The following COL4A4 variants were observed in gnomAD, a reference collection of about 807,000 sequenced individuals.
The protein encoded by COL4A4 is collagen type IV alpha 4 chain, also known as collagen alpha-4(IV) chain.
COL4A4 carries 105 observed loss-of-function variants against 192.9 expected under a neutral mutation model. That is an observed-to-expected ratio of 0.54 (90% CI 0.46 to 0.64). The LOEUF (loss-of-function observed/expected upper bound fraction) is 0.64, where lower values mean the gene tolerates loss of function less well. Ranked by LOEUF, COL4A4 falls within the 30% of genes least tolerant of loss-of-function variation. The pLI is 0.00. For missense variants in COL4A4, 1,967 were observed against 2,169.3 expected, an observed-to-expected ratio of 0.91 and a Z score of 1.85; for synonymous variants, 762 against 769.9, an observed-to-expected ratio of 0.99 and a Z score of 0.17.
chr2:226,990,408 T>G, the COL4A4 span, among the ~76,000 whole-genome samples: 1 of 152,156 alleles, frequency 6.6e-6, no homozygotes, highest in Non-Finnish European at 1.5e-5. Flanking sequence ...AGAAAAAAAG[T>G]GATTGCCTCT....
rs1241232172 is a variant in COL4A4 at position 227,004,558 on chromosome 2, A to C, written c.*2767T>G. On this transcript the variant is annotated 3_prime_UTR_variant, in exon 48 of 48. Transcript: ENST00000396625. ...TAGATGGCAACTGGGATTTGAAACT[A>C]AGGCACCAACTGGGAGATGCCTACT... 1 of 152,274 alleles carries C rather than the reference A, an allele frequency of 6.6e-6. No homozygotes were observed. Among genetic ancestry groups the C allele is most frequent in the Non-Finnish European group, 1.5e-5 (1 of 68,076 alleles). 9.4% of individuals were successfully genotyped at this position (152,274 alleles called of 1,614,324 possible).
chr2:227,102,859 T>G lies in COL4A4; in HGVS notation c.871-11A>C, dbSNP rs1487938595. 13 of 1,610,400 alleles carry G rather than the reference T, an allele frequency of 8.1e-6. No individual in the cohort carries two copies. The highest frequency in any genetic ancestry group is 4.4e-5 in the South Asian group (4 of 90,994). On this transcript the variant is annotated splice_polypyrimidine_tract_variant and intron_variant, in intron 14 of 47. Transcript: ENST00000396625. ...AATACCAGATTCTCCCTTTAAGAGA[T>G]GACAACATTTAGAGGGGTTCAAGCA...
In COL4A4 at chr2:227,099,657, T is replaced by C; in HGVS notation, c.1062A>G (p.Pro354=). ...GAGGTGGAGTCACCAAAACACCTGG[T>C]GGTCCTGGGTGCCCTCGATTTCCAG... ...GDPGNRGHPG[P]PGVLVTPPLP... is the part of the protein sequence containing the mutation. The change falls in exon 18 of 48, where the codon CCA becomes CCG. Residue 354 remains proline, a synonymous_variant. Transcript: ENST00000396625. The C allele has an allele frequency of 6.2e-7, 1 of 1,614,186 alleles. No individual in the cohort carries two copies. Among genetic ancestry groups the C allele is most frequent in the Non-Finnish European group, 8.5e-7 (1 of 1,180,018 alleles).
intron 12 of COL4A4, among the ~76,000 whole-genome samples, chr2:227,104,868 G>A (rs1576538995): frequency 6.6e-6 from 1 of 150,632 alleles, no homozygotes; most frequent in Non-Finnish European, 1.5e-5. Flanking sequence ...CTCGAACTCC[G>A]GACCTCAGGT....
chr2:226,970,090 A>G, the COL4A4 span, among the ~76,000 whole-genome samples: 1 of 147,044 alleles, frequency 6.8e-6, no homozygotes, highest in East Asian at 2.0e-4. Context: ...ATGGTTGTCC[A>G]TGAAGAAGAA....
chr2:227,114,733 A>C (rs1349463399), intron 7 of COL4A4, 37 bp from the exon 8 acceptor site: 1 of 1,458,936 alleles, frequency 6.9e-7, no homozygotes. Flanking sequence ...ACAGGAAAAT[A>C]GCATATTACC....
intron 46 of COL4A4, among the ~76,000 whole-genome samples, chr2:227,009,577 AGTCTC>A: frequency 6.6e-6 from 1 of 152,262 alleles, no homozygotes; most frequent in Admixed American, 6.5e-5. Context: ...ACAAGTCTGT[AGTCTC>A]AGCTACTCAG....
intron 37 of COL4A4, among the ~76,000 whole-genome samples, chr2:227,034,486 G>T: frequency 6.6e-6 from 1 of 151,796 alleles, no homozygotes; most frequent in Non-Finnish European, 1.5e-5. Context: ...CCAGCCTCTG[G>T]TCAAGCCTGG....
chr2:227,029,824 C>T (rs919486034), intron 41 of COL4A4, among the ~76,000 whole-genome samples: 6 of 152,072 alleles, frequency 3.9e-5, no homozygotes, highest in Non-Finnish European at 7.4e-5. Flanking sequence ...TTCAGTGATT[C>T]GGGATCTTTG....
At chr2:227,104,414 C>CAAAAAAAAAAA (rs60259710) in intron 12 of COL4A4, among the ~76,000 whole-genome samples, 8 of 96,818 alleles carry the variant, frequency 8.3e-5, no homozygotes, top group African/African-American at 2.1e-4. Flanking sequence ...ACTAAAAATA[C>CAAAAAAAAAAA]AAAAAAAAAA....
At chr2:227,140,329 C>G in intron 3 of COL4A4, 91 bp from the exon 4 acceptor site, 2 of 1,028,704 alleles carry the variant, frequency 1.9e-6, no homozygotes, top group Non-Finnish European at 3.0e-6. Context: ...TCTTGGTTTA[C>G]CTTTGACTCC....
At chr2:227,096,543 A>G (rs2060213332) in intron 19 of COL4A4, among the ~76,000 whole-genome samples, 1 of 152,220 alleles carries the variant, frequency 6.6e-6, no homozygotes, top group African/African-American at 2.4e-5. Context: ...TACCTTACAG[A>G]TAAGGCACAC....
chr2:226,988,251 C>T, the COL4A4 span: 5 of 1,320,894 alleles, frequency 3.8e-6, no homozygotes, highest in Non-Finnish European at 5.1e-6. Flanking sequence ...GAGTAGGACT[C>T]ATATCAGGGC....
chr2:227,140,127 G>A, intron 4 of COL4A4, 34 bp downstream of exon 4: 1 of 1,569,828 alleles, frequency 6.4e-7, no homozygotes, highest in Non-Finnish European at 8.8e-7. Flanking sequence ...CAAAATTCAG[G>A]AATGCTGCCC....
At chr2:227,057,262 A>T (rs1975644276) in intron 29 of COL4A4, among the ~76,000 whole-genome samples, 177 bp downstream of exon 29, 1 of 152,154 alleles carries the variant, frequency 6.6e-6, no homozygotes, top group Non-Finnish European at 1.5e-5. Context: ...TTGCCCCATA[A>T]GACTTGGGTG....
chr2:227,085,108 G>T (rs1482998566), intron 22 of COL4A4, among the ~76,000 whole-genome samples: 1 of 151,492 alleles, frequency 6.6e-6, no homozygotes, highest in Non-Finnish European at 1.5e-5. Flanking sequence ...TCCAGCCTGG[G>T]CGACAAGAGT....
chr2:227,065,291 G>A (rs1038312484), intron 25 of COL4A4, among the ~76,000 whole-genome samples: 7 of 152,148 alleles, frequency 4.6e-5, no homozygotes, highest in African/African-American at 1.2e-4. Flanking sequence ...AGGCGGCAGC[G>A]AGGCTGGGGG....
intron 1 of COL4A4, among the ~76,000 whole-genome samples, chr2:227,158,147 T>C (rs1159718764): frequency 6.6e-6 from 1 of 152,104 alleles, no homozygotes; most frequent in Non-Finnish European, 1.5e-5. Context: ...GGTAAATGAA[T>C]AGACATGTAG....
chr2:227,083,007 T>C (rs926219732), intron 22 of COL4A4, among the ~76,000 whole-genome samples: 3 of 152,110 alleles, frequency 2.0e-5, no homozygotes, highest in African/African-American at 7.2e-5. Flanking sequence ...GGAAGGCGGA[T>C]CACTTGAGGC....
Sources: allele counts gnomAD v4.1 joint callset (sites outside exome capture counted in the v4.1 genomes callset), GRCh38; gene constraint gnomAD v4.1.1; transcripts MANE v1.5; gene names NCBI Gene and HGNC (gene_info 2026-07-23, HGNC 2026-07-21).